The following CASP1 variants were observed in gnomAD, a reference collection of about 807,000 sequenced individuals.
CASP1 encodes caspase 1.
Under a neutral mutation model 41.2 loss-of-function variants are expected in CASP1, and 31 were observed. That is an observed-to-expected ratio of 0.75 (90% CI 0.57 to 1.02). The LOEUF (loss-of-function observed/expected upper bound fraction) is 1.02, where lower values mean the gene tolerates loss of function less well. Among genes scored for constraint, CASP1 ranks in the 50% least tolerant of loss-of-function variants. The probability of loss-of-function intolerance (pLI) is 0.00; values close to 1 mark genes in which losing one functional copy is unlikely to be tolerated. For synonymous variants in CASP1, 163 were observed against 166.5 expected, an observed-to-expected ratio of 0.98 and a Z score of 0.16; for missense variants, 490 against 495.7, an observed-to-expected ratio of 0.99 and a Z score of 0.11.
At chr11:105,035,729 A>C (rs1863989398), upstream of CASP1, among the ~76,000 whole-genome samples, 1 of 146,818 alleles carries the variant, frequency 6.8e-6, no homozygotes, top group Non-Finnish European at 1.5e-5. Flanking sequence ...GATTCTTCCA[A>C]CTCAGCCTCC....
chr11:105,026,643 T>A (rs1565401111), intron 8 of CASP1, 199 bp downstream of exon 8: 1 of 601,954 alleles, frequency 1.7e-6, no homozygotes, highest in South Asian at 2.1e-5. Flanking sequence ...ACTAAATGAT[T>A]GTTTTCTCAA....
At position 105,034,760 on chromosome 11, in the gene CASP1, G is replaced by C; in HGVS notation, c.8-286C>G. On this transcript the variant is annotated intron_variant, in intron 1 of 8. Coordinates refer to ENST00000533400, the MANE Select transcript of CASP1 (RefSeq NM_001257118.3). ...TGTTTATTTAACTCTGGTTAATAAA[G>C]TAATGAAGCAGAAATAGCCCATTTC... The C allele has an allele frequency of 3.3e-6, 2 of 613,030 alleles. 1 individual carries two copies. The highest frequency in any genetic ancestry group is 4.3e-5 in the South Asian group (2 of 46,714). 38.0% of individuals were successfully genotyped at this position (613,030 alleles called of 1,614,324 possible). A position where few individuals can be genotyped will look rare whatever the true frequency, so the allele number is the denominator to read the frequency against.
intron 7 of CASP1, among the ~76,000 whole-genome samples, chr11:105,028,305 A>G (rs1863449919): frequency 6.6e-6 from 1 of 152,172 alleles, no homozygotes; most frequent in African/African-American, 2.4e-5. Context: ...CCTTTGGGCC[A>G]GAGGTGACCA....
chr11:105,035,619 T>TTTC (rs1863977330), upstream of CASP1, among the ~76,000 whole-genome samples: 1 of 43,710 alleles, frequency 2.3e-5, no homozygotes, highest in African/African-American at 6.9e-5. Flanking sequence ...TTTCTTTCTG[T>TTTC]TTTTTTTTTT....
At chr11:105,026,432 A>G in intron 8 of CASP1, 76 bp from the exon 9 acceptor site, 2 of 879,908 alleles carry the variant, frequency 2.3e-6, no homozygotes. Context: ...AGTTATGCCA[A>G]AAAACTACAA....
upstream of CASP1, among the ~76,000 whole-genome samples, chr11:105,035,611 T>G (rs1863968718): frequency 3.1e-5 from 3 of 95,918 alleles, no homozygotes; most frequent in African/African-American, 1.3e-4. Context: ...ATTGCTTTTT[T>G]CTTTCTGTTT....
intron 8 of CASP1, 153 bp downstream of exon 8, chr11:105,026,689 G>C: frequency 1.6e-6 from 1 of 617,820 alleles, no homozygotes; most frequent in Admixed American, 2.9e-5. Context: ...TAGGCTCCTG[G>C]GTTTGTCCAC....
At chr11:105,028,702 A>G in intron 7 of CASP1, among the ~76,000 whole-genome samples, 1 of 152,036 alleles carries the variant, frequency 6.6e-6, no homozygotes, top group East Asian at 1.9e-4. Context: ...TTCTAGGTAA[A>G]ACCCACTTTA....
Position 105,031,166 on chromosome 11 carries a change from T to C in CASP1, c.452A>G (p.Glu151Gly). The C allele has an allele frequency of 1.3e-6, 2 of 1,589,812 alleles. No individual in the cohort carries two copies. Among genetic ancestry groups the C allele is most frequent in the Non-Finnish European group, 1.7e-6 (2 of 1,158,214 alleles). Reference protein sequence around the residue: ...AQRIWKQKSAEIYPIMDKSSR... With the variant: ...AQRIWKQKSAGIYPIMDKSSR... ...ATCCTTGGGTTCTGAGCATGGCACC[T>C]CTGCCGACTTTTGTTTCCATATCCT... Residue 151 changes from glutamate to glycine, a missense_variant and splice_region_variant, in exon 4 of 9, where the codon GAG becomes GGG. Glu to Gly is a moderately conservative substitution (Grantham distance 98, BLOSUM62 -2). Coordinates refer to ENST00000533400, the MANE Select transcript of CASP1 (RefSeq NM_001257118.3).
upstream of CASP1, among the ~76,000 whole-genome samples, chr11:105,035,501 T>C (rs1863963444): frequency 1.3e-5 from 2 of 152,162 alleles, no homozygotes; most frequent in South Asian, 4.1e-4. Context: ...TTGGGAAAGT[T>C]GTGGGTAATG....
At chr11:105,026,983 C>T in intron 7 of CASP1, 32 bp from the exon 8 acceptor site, 1 of 1,192,238 alleles carries the variant, frequency 8.4e-7, no homozygotes, top group Non-Finnish European at 1.3e-6. Context: ...AATCTCAAGA[C>T]TGGCTCTTGC....
intron 7 of CASP1, among the ~76,000 whole-genome samples, 193 bp downstream of exon 7, chr11:105,028,931 A>G (rs1360109342): frequency 6.6e-6 from 1 of 152,210 alleles, no homozygotes; most frequent in Non-Finnish European, 1.5e-5. Context: ...ATTTTGAAAC[A>G]TAGATGAATT....
chr11:105,025,537 C>A lies in CASP1; in HGVS notation c.*721G>T. 1 of 422,438 alleles carries A rather than the reference C, an allele frequency of 2.4e-6. No individual in the cohort carries two copies. Among genetic ancestry groups the A allele is most frequent in the Admixed American group, 3.0e-5 (1 of 33,554 alleles). The allele number at this position is 422,438 out of a possible 1,614,324, so 26.2% of individuals were successfully genotyped here. A position where few individuals can be genotyped will look rare whatever the true frequency, so the allele number is the denominator to read the frequency against. ...CATTTTTCTACCAGATTTATTATTT[C>A]AAAAAAGTTTATTATTCAGCAGACA... is the stretch of plus-strand genomic sequence containing the variant. On this transcript the variant is annotated 3_prime_UTR_variant, in exon 9 of 9. Coordinates refer to ENST00000533400, the MANE Select transcript of CASP1 (RefSeq NM_001257118.3).
chr11:105,030,326 T>A lies in CASP1; in HGVS notation c.627+4A>T, dbSNP rs759699472. ...CATTGTTTCTGTTGTATAATAGAAC[T>A]TACCGAAGCAGTGAGATTTTTTTTC... On this transcript the variant is annotated splice_donor_region_variant and intron_variant, in intron 5 of 8. Transcript: ENST00000533400. The A allele has an allele frequency of 6.8e-6, 11 of 1,609,668 alleles. No homozygotes were observed. The East Asian group carries it at 2.2e-4, about 33-fold the overall frequency.
At chr11:105,033,166 T>A (rs369967818) in intron 2 of CASP1, 40 bp from the exon 3 acceptor site, 17 of 1,269,438 alleles carry the variant, frequency 1.3e-5, no homozygotes, top group Non-Finnish European at 1.7e-5. Context: ...TCACTTATCA[T>A]CTCTGGAAAA....
chr11:105,035,038 C>T, intron 1 of CASP1, 69 bp downstream of exon 1: 9 of 1,599,698 alleles, frequency 5.6e-6, no homozygotes, highest in Admixed American at 1.7e-5. Flanking sequence ...TTATGGCTTC[C>T]AGAAGAGCCA....
upstream of CASP1, chr11:105,035,302 AC>A: frequency 1.4e-6 from 1 of 739,764 alleles, no homozygotes; most frequent in Non-Finnish European, 2.3e-6. Context: ...AATTTTCTTC[AC>A]CAGCCCTTGG....
intron 7 of CASP1, 86 bp from the exon 8 acceptor site, chr11:105,027,037 G>A (rs751430157): frequency 1.4e-5 from 11 of 805,992 alleles, no homozygotes; most frequent in South Asian, 5.5e-5. Context: ...TCCAGCTGAG[G>A]GATGTTTGAA....
At chr11:105,027,624 A>T (rs1212110351) in intron 7 of CASP1, among the ~76,000 whole-genome samples, 1 of 152,120 alleles carries the variant, frequency 6.6e-6, no homozygotes, top group East Asian at 1.9e-4. Context: ...TGACAGACAC[A>T]TTCTTTAATG....
Sources: gnomAD v4.1 joint callset for allele counts (sites outside exome capture counted in the v4.1 genomes callset) on GRCh38, gnomAD v4.1.1 for gene constraint, MANE v1.5 for transcripts, NCBI Gene and HGNC (gene_info 2026-07-23, HGNC 2026-07-21) for gene names.